SAE1: variants seen among roughly 807,000 people sequenced by gnomAD.
SAE1 encodes SUMO-activating enzyme subunit 1.
SAE1 carries 11 observed loss-of-function variants against 40.6 expected under a neutral mutation model. The observed-to-expected ratio is 0.27, with a 90% CI of 0.17 to 0.45. The LOEUF (loss-of-function observed/expected upper bound fraction) is 0.45, where lower values mean the gene tolerates loss of function less well. Ranked by LOEUF, SAE1 falls within the 20% of genes least tolerant of loss-of-function variation. SAE1 has a pLI of 1.00. For missense variants in SAE1, 373 were observed against 427.3 expected, an observed-to-expected ratio of 0.87 and a Z score of 1.12; for synonymous variants, 155 against 154.3, an observed-to-expected ratio of 1.00 and a Z score of -0.03.
intron 7 of SAE1, among the ~76,000 whole-genome samples, chr19:47,200,582 C>T (rs968762208): frequency 6.6e-6 from 1 of 151,974 alleles, no homozygotes; most frequent in African/African-American, 2.4e-5. Flanking sequence ...CTCTGCTGCC[C>T]AGGCTGTTCT....
At chr19:47,202,433 T>C (rs2058660681) in intron 7 of SAE1, among the ~76,000 whole-genome samples, 2 of 151,770 alleles carry the variant, frequency 1.3e-5, no homozygotes, top group African/African-American at 4.8e-5. Flanking sequence ...GACTACAGGC[T>C]CACCCCACCA....
chr19:47,194,950 G>A (rs922141903), intron 6 of SAE1, among the ~76,000 whole-genome samples: 1 of 151,128 alleles, frequency 6.6e-6, no homozygotes, highest in African/African-American at 2.4e-5. Flanking sequence ...TCACCATGTT[G>A]GCCAGGCTGG....
At chr19:47,166,251 C>T (rs1026898171) in intron 5 of SAE1, among the ~76,000 whole-genome samples, 1 of 152,100 alleles carries the variant, frequency 6.6e-6, no homozygotes, top group Non-Finnish European at 1.5e-5. Flanking sequence ...TGGGACAGAG[C>T]CAGGCATGGG....
intron 8 of SAE1, among the ~76,000 whole-genome samples, chr19:47,207,220 C>G (rs112522969): frequency 2.6e-5 from 4 of 152,112 alleles, no homozygotes; most frequent in Admixed American, 6.6e-5. Flanking sequence ...GGTAGCAGAA[C>G]AAGATCCTAT....
chr19:47,184,691 G>A (rs577222922), intron 6 of SAE1, among the ~76,000 whole-genome samples: 14 of 151,990 alleles, frequency 9.2e-5, no homozygotes, highest in Non-Finnish European at 5.9e-5. Context: ...GATTACAGGC[G>A]TGAGCCACCA....
chr19:47,173,185 G>A (rs983365215), intron 6 of SAE1, among the ~76,000 whole-genome samples: 3 of 152,114 alleles, frequency 2.0e-5, no homozygotes, highest in African/African-American at 7.2e-5. Context: ...TCTTAGTAGA[G>A]GCAGGGTTCC....
intron 2 of SAE1, among the ~76,000 whole-genome samples, chr19:47,148,680 C>T (rs1374757109): frequency 6.6e-6 from 1 of 150,484 alleles, no homozygotes; most frequent in Non-Finnish European, 1.5e-5. Flanking sequence ...AGTGGCACGA[C>T]CTGGGCTCAA....
intron 6 of SAE1, among the ~76,000 whole-genome samples, chr19:47,172,769 A>G (rs1402322211): frequency 6.8e-6 from 1 of 146,928 alleles, no homozygotes; most frequent in Non-Finnish European, 1.5e-5. Flanking sequence ...GTACACGCCA[A>G]AAAAAAAAAA....
chr19:47,153,141 CTA>C, intron 4 of SAE1, 101 bp downstream of exon 4: 1 of 1,071,902 alleles, frequency 9.3e-7, no homozygotes, highest in Non-Finnish European at 1.3e-6. Context: ...AGGATCTATG[CTA>C]TGTTGTTCAA....
At chr19:47,150,772 TG>T (rs2058282907) in intron 3 of SAE1, among the ~76,000 whole-genome samples, 1 of 152,246 alleles carries the variant, frequency 6.6e-6, no homozygotes, top group Non-Finnish European at 1.5e-5. Flanking sequence ...GGCATTTTTT[TG>T]TTAGAAATAT....
At chr19:47,164,165 A>T (rs1568595380) in intron 5 of SAE1, among the ~76,000 whole-genome samples, 1 of 151,558 alleles carries the variant, frequency 6.6e-6, no homozygotes, top group Non-Finnish European at 1.5e-5. Context: ...ATTTTATTTT[A>T]TTTTTATTTT....
chr19:47,182,072 C>T (rs1419872356), intron 6 of SAE1, among the ~76,000 whole-genome samples: 1 of 152,058 alleles, frequency 6.6e-6, no homozygotes, highest in African/African-American at 2.4e-5. Context: ...AGACGTGAGC[C>T]ACTGCACCCA....
intron 6 of SAE1, among the ~76,000 whole-genome samples, chr19:47,183,009 A>G (rs1330617510): frequency 6.6e-6 from 1 of 152,016 alleles, no homozygotes; most frequent in Non-Finnish European, 1.5e-5. Flanking sequence ...TCTGCCTCCC[A>G]GGTTCAAGCA....
intron 7 of SAE1, among the ~76,000 whole-genome samples, chr19:47,201,360 C>CTTTTTTTTTTTTTTTTTTTTTTTTTTTT: frequency 1.5e-5 from 1 of 66,228 alleles, no homozygotes; most frequent in African/African-American, 6.6e-5. Flanking sequence ...TATCTGGTTC[C>CTTTTTTTTTTTTTTTTTTTTTTTTTTTT]TTTTTTTTTT....
rs1375997397 is a variant in SAE1 at position 47,169,882 on chromosome 19, C to T, written c.692C>T (p.Ala231Val). 8.1e-6 allele frequency: 13 copies of T among 1,614,170 alleles called. No individual in the cohort carries two copies. In the East Asian group the frequency reaches 1.1e-4, roughly 14 times the overall value. Reference sequence around the variant, plus strand: ...GACTGGAGCAGTGAGAAAGCAAAGGCTGCTCTGAAGCGCACGACCTCCGAC... The same window carrying T: ...GACTGGAGCAGTGAGAAAGCAAAGGTTGCTCTGAAGCGCACGACCTCCGAC... ...EVDWSSEKAK[A>V]ALKRTTSDYF... is the part of the protein sequence containing the mutation. Residue 231 changes from alanine (A) to valine (V), a missense_variant, in exon 6 of 9, where the codon GCT becomes GTT. Physicochemically the swap from Ala to Val is moderately conservative, Grantham distance 64. Coordinates refer to ENST00000270225, the MANE Select transcript of SAE1 (RefSeq NM_005500.3).
At chr19:47,149,731 A>G (rs969314410) in intron 2 of SAE1, among the ~76,000 whole-genome samples, 2 of 152,154 alleles carry the variant, frequency 1.3e-5, no homozygotes, top group South Asian at 2.1e-4. Flanking sequence ...GTTTAAAGTC[A>G]TTTTAAAGCC....
At chr19:47,167,845 G>A (rs574228004) in intron 5 of SAE1, among the ~76,000 whole-genome samples, 14 of 152,218 alleles carry the variant, frequency 9.2e-5, no homozygotes, top group African/African-American at 3.4e-4. Context: ...GGATCTAACA[G>A]TGTTCCCCCA....
chr19:47,150,432 G>A, intron 3 of SAE1, 57 bp downstream of exon 3: 2 of 1,373,132 alleles, frequency 1.5e-6, no homozygotes, highest in East Asian at 4.7e-5. Context: ...GGTGCTAGTT[G>A]TATATACTTT....
intron 6 of SAE1, among the ~76,000 whole-genome samples, chr19:47,178,246 A>G (rs2058483151): frequency 6.6e-6 from 1 of 152,084 alleles, no homozygotes. Context: ...CATCTCCAAA[A>G]AAAAAAAAGA....
Sources: allele counts gnomAD v4.1 joint callset (sites outside exome capture counted in the v4.1 genomes callset), GRCh38; gene constraint gnomAD v4.1.1; transcripts MANE v1.5; gene names NCBI Gene and HGNC (gene_info 2026-07-23, HGNC 2026-07-21).